ARID1B: variants seen among roughly 807,000 people sequenced by gnomAD.
The protein encoded by ARID1B is AT-rich interaction domain 1B, also known as AT-rich interactive domain-containing protein 1B.
In ARID1B, 30 loss-of-function variants were observed where a neutral mutation model predicts 212.3. That is an observed-to-expected ratio of 0.14 (90% CI 0.11 to 0.19). The LOEUF (loss-of-function observed/expected upper bound fraction) is 0.19, where lower values mean the gene tolerates loss of function less well. ARID1B is among the 10% of genes least tolerant of loss of function. The probability of loss-of-function intolerance (pLI) is 1.00; values close to 1 mark genes in which losing one functional copy is unlikely to be tolerated. For missense variants in ARID1B, 2,891 were observed against 3,204.0 expected (o/e 0.90, Z 2.36); for synonymous variants, 1,402 against 1,301.7 (o/e 1.08, Z -1.66).
intron 4 of ARID1B, among the ~76,000 whole-genome samples, chr6:157,082,237 C>T (rs1310957204): frequency 6.6e-6 from 1 of 152,096 alleles, no homozygotes; most frequent in African/African-American, 2.4e-5. Flanking sequence ...TCCTGTTTTT[C>T]CCCCAAGGAA....
At chr6:156,856,455 T>A (rs1035541423) in intron 2 of ARID1B, among the ~76,000 whole-genome samples, 9 of 152,164 alleles carry the variant, frequency 5.9e-5, no homozygotes, top group African/African-American at 2.2e-4. Context: ...ATTTTACAGA[T>A]GATAAAACTA....
chr6:157,060,383 AAGT>A (rs1783261450), intron 4 of ARID1B, among the ~76,000 whole-genome samples: 1 of 152,154 alleles, frequency 6.6e-6, no homozygotes, highest in African/African-American at 2.4e-5. Flanking sequence ...ATTATTTGCA[AAGT>A]AGTCTCTGTT....
intron 8 of ARID1B, among the ~76,000 whole-genome samples, chr6:157,160,053 T>G (rs1790832108): frequency 6.6e-6 from 1 of 152,244 alleles, no homozygotes; most frequent in Non-Finnish European, 1.5e-5. Context: ...CTCCAGCTTG[T>G]CTGCTAGCAC....
intron 2 of ARID1B, among the ~76,000 whole-genome samples, chr6:156,884,371 A>G (rs938140917): frequency 6.7e-6 from 1 of 149,952 alleles, no homozygotes; most frequent in African/African-American, 2.5e-5. Context: ...AACATGGTCT[A>G]TTTTCAGGAC....
At chr6:156,817,117 C>G (rs1782020655) in intron 1 of ARID1B, among the ~76,000 whole-genome samples, 1 of 150,558 alleles carries the variant, frequency 6.6e-6, no homozygotes, top group African/African-American at 2.4e-5. Context: ...GGGCATGGTG[C>G]CTTACACCTG....
At chr6:157,057,021 A>G (rs531576991) in intron 4 of ARID1B, among the ~76,000 whole-genome samples, 17 of 131,772 alleles carry the variant, frequency 1.3e-4, no homozygotes, top group Non-Finnish European at 2.2e-4. Flanking sequence ...TTTTTTTTTT[A>G]AGACGGAGTC....
intron 4 of ARID1B, among the ~76,000 whole-genome samples, chr6:157,041,805 C>T (rs911044397): frequency 8.5e-5 from 13 of 152,230 alleles, no homozygotes; most frequent in Non-Finnish European, 1.3e-4. Context: ...ACCCTGTACC[C>T]GCCTCTCAGT....
intron 4 of ARID1B, among the ~76,000 whole-genome samples, chr6:156,977,284 CTTT>C (rs199671090): frequency 4.7e-5 from 6 of 128,812 alleles, no homozygotes; most frequent in Non-Finnish European, 6.8e-5. Context: ...CCTGTCTCCT[CTTT>C]TTTTTTTTTT....
chr6:156,879,331 C>G (rs947898490), intron 2 of ARID1B, among the ~76,000 whole-genome samples: 62 of 152,248 alleles, frequency 4.1e-4, no homozygotes, highest in African/African-American at 1.5e-3. Flanking sequence ...GTTGGCCTGA[C>G]AATCACTCAG....
intron 4 of ARID1B, among the ~76,000 whole-genome samples, chr6:157,000,715 T>TTTTTTTTC (rs1778863330): frequency 7.8e-6 from 1 of 127,504 alleles, no homozygotes; most frequent in African/African-American, 3.4e-5. Flanking sequence ...TTTTTTTTTT[T>TTTTTTTTC]TGAGACAGAG....
intron 5 of ARID1B, among the ~76,000 whole-genome samples, chr6:157,089,371 T>C (rs529410356): frequency 6.6e-6 from 1 of 152,282 alleles, no homozygotes; most frequent in East Asian, 1.9e-4. Context: ...CCTATCTTGC[T>C]GCATCACAAA....
chr6:156,799,923 G>A (rs1780661037), intron 1 of ARID1B, among the ~76,000 whole-genome samples: 2 of 152,156 alleles, frequency 1.3e-5, no homozygotes, highest in Non-Finnish European at 2.9e-5. Flanking sequence ...CAGCCAGCAG[G>A]TGAAATGAGT....
At chr6:157,151,770 A>T (rs541428359) in intron 8 of ARID1B, 1 of 152,378 alleles carries the variant, frequency 6.6e-6, no homozygotes, top group African/African-American at 2.4e-5. Flanking sequence ...TTTGGTTAAA[A>T]TCAAACAGGG....
intron 4 of ARID1B, among the ~76,000 whole-genome samples, chr6:157,029,996 T>C (rs912169409): frequency 2.0e-5 from 3 of 152,230 alleles, no homozygotes; most frequent in Non-Finnish European, 2.9e-5. Context: ...CTAGAGTTCC[T>C]TTATTTAAAG....
At chr6:157,161,639 T>C (rs545604415) in intron 8 of ARID1B, among the ~76,000 whole-genome samples, 26 of 152,270 alleles carry the variant, frequency 1.7e-4, no homozygotes, top group Non-Finnish European at 3.2e-4. Context: ...ACATTTTTTA[T>C]AGGGCATCCT....
intron 4 of ARID1B, among the ~76,000 whole-genome samples, chr6:156,990,387 A>C (rs1211651712): frequency 6.6e-6 from 1 of 152,064 alleles, no homozygotes; most frequent in Non-Finnish European, 1.5e-5. Context: ...TCACACCTGT[A>C]ATCCCAGCAC....
chr6:157,096,869 T>C (rs1428054353), intron 5 of ARID1B, among the ~76,000 whole-genome samples: 1 of 152,238 alleles, frequency 6.6e-6, no homozygotes, highest in African/African-American at 2.4e-5. Context: ...GAAAAAGCAC[T>C]TATTTAAACA....
Position 156,906,600 on chromosome 6 carries a change from C to T in ARID1B, c.2136+5075C>T, listed in dbSNP as rs181784601. On this transcript the variant is annotated intron_variant, in intron 3 of 19. Transcript: ENST00000636930. Reference sequence around the variant, plus strand: ...AGCACCAGCCACTTAGAAAAAGAAGCGGGGATGTTTGTCATTTTTGTCATC... The same window carrying T: ...AGCACCAGCCACTTAGAAAAAGAAGTGGGGATGTTTGTCATTTTTGTCATC... 6.1e-3 allele frequency among the ~76,000 whole-genome samples: 789 copies of T among 130,284 alleles called. 8 individuals carry two copies. Among genetic ancestry groups the T allele is most frequent in the African/African-American group, 0.02 (716 of 35,554 alleles). 85.5% of individuals were successfully genotyped at this position (130,284 alleles called of 152,430 possible). A position where few individuals can be genotyped will look rare whatever the true frequency, so the allele number is the denominator to read the frequency against.
rs1018225808 is a variant in ARID1B at position 157,166,920 on chromosome 6, A to G, written c.3090-120A>G. On this transcript the variant is annotated intron_variant, in intron 8 of 19. Coordinates refer to ENST00000636930, the MANE Select transcript of ARID1B (RefSeq NM_001374828.1). ...CTCCAGGAAATAATCTGTTTTACAC[A>G]AACATGAAAAGTTATAGCCCCACCC... 6.6e-6 allele frequency: 9 copies of G among 1,371,514 alleles called. No individual in the cohort carries two copies. In the Admixed American group the frequency reaches 2.2e-4, roughly 33 times the overall value. 85.0% of individuals were successfully genotyped at this position (1,371,514 alleles called of 1,614,324 possible).
Sources: allele counts gnomAD v4.1 joint callset (sites outside exome capture counted in the v4.1 genomes callset), GRCh38; gene constraint gnomAD v4.1.1; transcripts MANE v1.5; gene names NCBI Gene and HGNC (gene_info 2026-07-23, HGNC 2026-07-21).